Variants in COL13A1 observed in about 807,000 individuals in gnomAD.
COL13A1 encodes collagen type XIII alpha 1 chain.
In COL13A1, 89 loss-of-function variants were observed where a neutral mutation model predicts 130.9. That is an observed-to-expected ratio of 0.68 (90% CI 0.57 to 0.81). The LOEUF is 0.81. Ranked by LOEUF, COL13A1 falls within the 30% of genes least tolerant of loss-of-function variation. The pLI, the probability that COL13A1 is intolerant of heterozygous loss-of-function variation, is 0.00. For synonymous variants in COL13A1, 402 were observed against 341.6 expected, an observed-to-expected ratio of 1.18 and a Z score of -1.95; for missense variants, 879 against 934.6, an observed-to-expected ratio of 0.94 and a Z score of 0.78.
chr10:69,890,345 TA>T (rs2061048686), intron 10 of COL13A1, among the ~76,000 whole-genome samples: 1 of 152,090 alleles, frequency 6.6e-6, no homozygotes, highest in Admixed American at 6.5e-5. Flanking sequence ...ATCCCTGCTT[TA>T]AAAAAACAAA....
chr10:69,899,265 T>G (rs2061959408), intron 14 of COL13A1, among the ~76,000 whole-genome samples: 1 of 152,218 alleles, frequency 6.6e-6, no homozygotes, highest in South Asian at 2.1e-4. Context: ...AATAACAGTG[T>G]CTATTTCACA....
intron 2 of COL13A1, among the ~76,000 whole-genome samples, chr10:69,845,243 A>G (rs1301692330): frequency 6.8e-6 from 1 of 146,198 alleles, no homozygotes; most frequent in African/African-American, 2.6e-5. Flanking sequence ...CCCAGGCTGG[A>G]GTGCAGTGGC....
intron 30 of COL13A1, among the ~76,000 whole-genome samples, chr10:69,931,683 A>G (rs1343429947): frequency 6.6e-6 from 1 of 152,188 alleles, no homozygotes; most frequent in Non-Finnish European, 1.5e-5. Flanking sequence ...TGGAGGGAGC[A>G]TTCCTGGATA....
At chr10:69,874,499 C>A (rs1274065751) in intron 4 of COL13A1, among the ~76,000 whole-genome samples, 5 of 152,212 alleles carry the variant, frequency 3.3e-5, no homozygotes, top group Admixed American at 6.5e-5. Flanking sequence ...CCCCTGGCTA[C>A]AAAACAAAGC....
intron 36 of COL13A1, among the ~76,000 whole-genome samples, chr10:69,944,701 A>AAAG (rs1342395431): frequency 4.4e-4 from 66 of 149,690 alleles, no homozygotes; most frequent in African/African-American, 1.6e-3. Context: ...AAAGAAAGAA[A>AAAG]AAGAAAAAGA....
intron 4 of COL13A1, among the ~76,000 whole-genome samples, chr10:69,873,051 A>T (rs527673905): frequency 1.3e-5 from 2 of 152,142 alleles, no homozygotes; most frequent in African/African-American, 4.8e-5. Flanking sequence ...TATGTGTACC[A>T]TGGGCCCTCA....
intron 2 of COL13A1, among the ~76,000 whole-genome samples, chr10:69,838,569 A>C (rs925456907): frequency 1.3e-5 from 2 of 152,218 alleles, no homozygotes; most frequent in African/African-American, 4.8e-5. Flanking sequence ...ACCGCAGGCC[A>C]GGACTCTCTT....
intron 6 of COL13A1, among the ~76,000 whole-genome samples, chr10:69,879,113 G>C (rs531371810): frequency 1.3e-5 from 2 of 152,274 alleles, no homozygotes; most frequent in East Asian, 3.9e-4. Flanking sequence ...TCATTTACAC[G>C]AGGCACAGAG....
chr10:69,878,151 C>T (rs574742012), intron 6 of COL13A1, 86 bp downstream of exon 6: 7 of 689,046 alleles, frequency 1.0e-5, no homozygotes, highest in African/African-American at 3.5e-5. Context: ...CCCTCCCCCC[C>T]ATGAAAGCCG....
chr10:69,952,365 A>G (rs1032126609), intron 38 of COL13A1, among the ~76,000 whole-genome samples: 7 of 152,268 alleles, frequency 4.6e-5, no homozygotes, highest in Non-Finnish European at 5.9e-5. Flanking sequence ...ACATATACAC[A>G]CATGTGCACA....
intron 38 of COL13A1, 72 bp from the exon 39 acceptor site, chr10:69,952,810 G>A: frequency 1.9e-6 from 2 of 1,053,346 alleles, no homozygotes; most frequent in Non-Finnish European, 2.8e-6. Flanking sequence ...TTCTTTTTCT[G>A]TCTTCAACCT....
Position 69,889,196 on chromosome 10 carries a change from G to T in COL13A1, c.577-218G>T, listed in dbSNP as rs76836880. 3.2e-3 allele frequency among the ~76,000 whole-genome samples: 483 copies of T among 152,366 alleles called. 3 individuals are homozygous for T. Among genetic ancestry groups the T allele is most frequent in the African/African-American group, 0.011 (453 of 41,588 alleles). ...CCTGCTCTCTGAAGGGCAGGCAGCT[G>T]CTAGTGAGGCCCAGCGAGGGGCAGT... is the stretch of plus-strand genomic sequence containing the variant. On this transcript the variant is annotated intron_variant, in intron 9 of 40. Transcript: ENST00000645393.
At chr10:69,861,405 G>A (rs1365500391) in intron 2 of COL13A1, among the ~76,000 whole-genome samples, 4 of 152,154 alleles carry the variant, frequency 2.6e-5, no homozygotes, top group Non-Finnish European at 5.9e-5. Flanking sequence ...GATCTTACTG[G>A]CTCCTGTCCC....
intron 4 of COL13A1, 124 bp downstream of exon 4, chr10:69,872,334 G>C (rs2059157785): frequency 9.2e-7 from 1 of 1,087,218 alleles, no homozygotes; most frequent in African/African-American, 1.6e-5. Context: ...CCACTCTCCA[G>C]AGTCCCTGAT....
chr10:69,817,256 G>A (rs907565722), intron 1 of COL13A1, among the ~76,000 whole-genome samples: 7 of 152,014 alleles, frequency 4.6e-5, no homozygotes, highest in African/African-American at 1.2e-4. Context: ...ACTTGCTGGC[G>A]ACAGGAGGGG....
In COL13A1 at chr10:69,922,722, T is replaced by A; in HGVS notation, c.1158T>A (p.Asp386Glu). Residue 386 changes from aspartate (D) to glutamate (E), a missense_variant, in exon 23 of 41, where the codon GAT becomes GAA. Asp to Glu is a conservative substitution (Grantham distance 45, BLOSUM62 2). Coordinates refer to ENST00000645393, the MANE Select transcript of COL13A1 (RefSeq NM_001368882.1). The stretch of plus-strand genomic sequence containing the variant: ...TCCACCCCCAGGGAGAGAAAGGCGA[T>A]GCTGGCAACTCCATTGGAGGAGGCA... Reference protein sequence around the residue: ...GLLGQKGEKGDAGNSIGGGRG... With the variant: ...GLLGQKGEKGEAGNSIGGGRG... The A allele has an allele frequency of 6.2e-7, 1 of 1,606,768 alleles. No individual in the cohort carries two copies. Among genetic ancestry groups the A allele is most frequent in the South Asian group, 1.1e-5 (1 of 88,996 alleles).
At chr10:69,868,086 C>T (rs1374355765) in intron 3 of COL13A1, among the ~76,000 whole-genome samples, 1 of 148,222 alleles carries the variant, frequency 6.7e-6, no homozygotes, top group Non-Finnish European at 1.5e-5. Flanking sequence ...CTAATTAGCT[C>T]AGTTCCTTTG....
Position 69,857,651 on chromosome 10 carries a change from A to C in COL13A1, c.365-10147A>C, listed in dbSNP as rs186532529. 2.9e-4 allele frequency among the ~76,000 whole-genome samples: 44 copies of C among 152,228 alleles called. 1 individual carries two copies. In the Middle Eastern group the frequency reaches 0.017, roughly 59 times the overall value. On this transcript the variant is annotated intron_variant, in intron 2 of 40. Coordinates refer to ENST00000645393, the MANE Select transcript of COL13A1 (RefSeq NM_001368882.1). ...CACCCCGAAAAATTGTCTTCTAGGAAACCAGTCCCTGGTGCCAAAAAGGTT... is the reference window on the plus strand; with the variant it reads ...CACCCCGAAAAATTGTCTTCTAGGACACCAGTCCCTGGTGCCAAAAAGGTT...
chr10:69,868,680 G>C (rs898217375), intron 3 of COL13A1, among the ~76,000 whole-genome samples: 9 of 152,138 alleles, frequency 5.9e-5, no homozygotes, highest in African/African-American at 2.2e-4. Context: ...TTTTCCTCTT[G>C]ATGTGTACCT....
Sources: gnomAD v4.1 joint callset for allele counts (sites outside exome capture counted in the v4.1 genomes callset) on GRCh38, gnomAD v4.1.1 for gene constraint, MANE v1.5 for transcripts, NCBI Gene and HGNC (gene_info 2026-07-23, HGNC 2026-07-21) for gene names.